The following NCAM2 variants were observed in gnomAD, a reference collection of about 807,000 sequenced individuals.
NCAM2 encodes neural cell adhesion molecule 2, also known as N-CAM-2.
A neutral mutation model predicts 98.1 loss-of-function variants in NCAM2; 30 were observed. That is an observed-to-expected ratio of 0.31 (90% CI 0.23 to 0.41). NCAM2 has a LOEUF of 0.41. Ranked by LOEUF, NCAM2 falls within the 10% of genes least tolerant of loss-of-function variation. The pLI, the probability that NCAM2 is intolerant of heterozygous loss-of-function variation, is 1.00. For missense variants in NCAM2, 867 were observed against 1,005.8 expected (o/e 0.86, Z 1.87); for synonymous variants, 368 against 342.4 (o/e 1.07, Z -0.83).
chr21:21,432,044 A>G (rs2077356317), intron 11 of NCAM2, 64 bp from the exon 12 acceptor site: 5 of 1,480,680 alleles, frequency 3.4e-6, no homozygotes, highest in Middle Eastern at 3.5e-4. Flanking sequence ...ATAACACCAT[A>G]AGCCTTAATA....
chr21:21,044,725 G>A (rs1002027778), intron 1 of NCAM2, among the ~76,000 whole-genome samples: 1 of 152,064 alleles, frequency 6.6e-6, no homozygotes, highest in Non-Finnish European at 1.5e-5. Flanking sequence ...TAACATTTTG[G>A]GAGGCCAAGG....
chr21:21,428,346 G>A (rs1297413462), intron 11 of NCAM2, among the ~76,000 whole-genome samples: 1 of 152,154 alleles, frequency 6.6e-6, no homozygotes, highest in Non-Finnish European at 1.5e-5. Flanking sequence ...GTCTTTTAGA[G>A]TAGACCAGTA....
At chr21:21,281,299 G>T (rs563612014) in intron 2 of NCAM2, among the ~76,000 whole-genome samples, 1 of 152,122 alleles carries the variant, frequency 6.6e-6, no homozygotes, top group Non-Finnish European at 1.5e-5. Flanking sequence ...TGAATATAAA[G>T]ATTATAACTG....
intron 1 of NCAM2, among the ~76,000 whole-genome samples, chr21:21,125,714 TAG>T (rs71322026): frequency 3.0e-5 from 4 of 134,404 alleles, no homozygotes; most frequent in South Asian, 2.3e-4. Flanking sequence ...TATATATATA[TAG>T]AGAGAGAGAG....
intron 9 of NCAM2, among the ~76,000 whole-genome samples, chr21:21,409,386 A>C (rs1404767290): frequency 6.6e-6 from 1 of 152,212 alleles, no homozygotes; most frequent in East Asian, 1.9e-4. Context: ...TACTTTTCAA[A>C]TTAATTATTG....
In NCAM2 at chr21:21,030,148, C is replaced by T. The variant is rs142591479; in HGVS notation, c.55+31530C>T. 4.3e-3 allele frequency among the ~76,000 whole-genome samples: 662 copies of T among 152,236 alleles called. 1 individual carries two copies. The highest frequency in any genetic ancestry group is 0.016 in the African/African-American group (644 of 41,544). ...TTCTTTCCTATTTCTTGAACATTTA[C>T]TATGCCAGAATACTATCCTAAGCAT... On this transcript the variant is annotated intron_variant, in intron 1 of 17. Coordinates refer to ENST00000400546, the MANE Select transcript of NCAM2 (RefSeq NM_004540.5).
At chr21:21,097,168 G>A (rs1218414243) in intron 1 of NCAM2, among the ~76,000 whole-genome samples, 1 of 151,712 alleles carries the variant, frequency 6.6e-6, no homozygotes, top group Admixed American at 6.6e-5. Context: ...CCTTCTGCAC[G>A]TGAATTGAAT....
At chr21:21,298,147 CA>C (rs1232730317) in intron 5 of NCAM2, among the ~76,000 whole-genome samples, 5 of 151,456 alleles carry the variant, frequency 3.3e-5, no homozygotes, top group African/African-American at 4.8e-5. Flanking sequence ...GAAAATGAGG[CA>C]AAAAAACTTT....
At chr21:21,015,241 G>T (rs1037322823) in intron 1 of NCAM2, among the ~76,000 whole-genome samples, 1 of 152,160 alleles carries the variant, frequency 6.6e-6, no homozygotes, top group African/African-American at 2.4e-5. Context: ...ATTTTGAAAA[G>T]CATTCTATTG....
At chr21:21,307,133 G>A (rs1052987029) in intron 5 of NCAM2, among the ~76,000 whole-genome samples, 4 of 151,908 alleles carry the variant, frequency 2.6e-5, no homozygotes, top group African/African-American at 4.8e-5. Flanking sequence ...ATATATTACT[G>A]ATGTAATTGG....
chr21:21,153,563 T>C (rs2067513182), intron 1 of NCAM2, among the ~76,000 whole-genome samples: 1 of 151,912 alleles, frequency 6.6e-6, no homozygotes, highest in Admixed American at 6.6e-5. Flanking sequence ...TTTTAAGTAG[T>C]GGAAAAGCAA....
intron 16 of NCAM2, among the ~76,000 whole-genome samples, chr21:21,516,355 A>T (rs1988712032): frequency 6.6e-6 from 1 of 152,124 alleles, no homozygotes; most frequent in East Asian, 1.9e-4. Flanking sequence ...GGGAAGTAAT[A>T]TATTTTAATA....
chr21:21,481,924 C>T (rs533521440), intron 15 of NCAM2, among the ~76,000 whole-genome samples: 1 of 152,038 alleles, frequency 6.6e-6, no homozygotes, highest in East Asian at 1.9e-4. Context: ...ATAGTGAAAC[C>T]CTGTCTCTTC....
chr21:21,131,998 A>G (rs2066946020), intron 1 of NCAM2, among the ~76,000 whole-genome samples: 3 of 152,236 alleles, frequency 2.0e-5, no homozygotes, highest in Admixed American at 2.0e-4. Flanking sequence ...CAGAAATTTG[A>G]AATGAATCAT....
At chr21:21,091,679 C>G (rs753125651) in intron 1 of NCAM2, among the ~76,000 whole-genome samples, 4 of 152,084 alleles carry the variant, frequency 2.6e-5, no homozygotes, top group Non-Finnish European at 5.9e-5. Flanking sequence ...AGGTTCTACT[C>G]AGTTATTAAT....
intron 1 of NCAM2, among the ~76,000 whole-genome samples, chr21:21,063,210 C>CTTTTTTTTTT (rs11325446): frequency 3.0e-5 from 2 of 66,106 alleles, no homozygotes; most frequent in African/African-American, 1.3e-4. Flanking sequence ...TCTTTACATT[C>CTTTTTTTTTT]TTTTTTTTTT....
chr21:21,286,911 A>G (rs1468933182), intron 4 of NCAM2, among the ~76,000 whole-genome samples: 3 of 151,932 alleles, frequency 2.0e-5, no homozygotes, highest in Admixed American at 6.6e-5. Flanking sequence ...TGGTATCACT[A>G]TATGTAAACT....
intron 1 of NCAM2, among the ~76,000 whole-genome samples, chr21:21,005,538 CTG>C (rs2064095391): frequency 6.6e-6 from 1 of 151,748 alleles, no homozygotes; most frequent in Admixed American, 6.6e-5. Context: ...AAAATGGAAA[CTG>C]TTGATCTTTT....
Position 21,351,131 on chromosome 21 carries a change from A to AG in NCAM2, c.1044+12597_1044+12598insG, listed in dbSNP as rs1353591590. On this transcript the variant is annotated intron_variant, in intron 8 of 17. Transcript: ENST00000400546. ...AGACTCTGTCTCAAAAAAAAAAAAAAAAAAAAAAAAAGAAACTTTTCTAAT... is the reference window on the plus strand; with the variant it reads ...AGACTCTGTCTCAAAAAAAAAAAAAAGAAAAAAAAAAAGAAACTTTTCTAAT... Among the ~76,000 whole-genome samples the AG allele has an allele frequency of 8.7e-5, 13 of 150,056 alleles. No individual in the cohort carries two copies. The East Asian group carries it at 2.4e-3, about 27-fold the overall frequency.
Sources: gnomAD v4.1 joint callset for allele counts (sites outside exome capture counted in the v4.1 genomes callset) on GRCh38, gnomAD v4.1.1 for gene constraint, MANE v1.5 for transcripts, NCBI Gene and HGNC (gene_info 2026-07-23, HGNC 2026-07-21) for gene names.